RIMS3: variants seen among roughly 807,000 people sequenced by gnomAD.
RIMS3 encodes regulating synaptic membrane exocytosis 3.
A neutral mutation model predicts 29.2 loss-of-function variants in RIMS3; 15 were observed. That is an observed-to-expected ratio of 0.51 (90% CI 0.34 to 0.79). The LOEUF (loss-of-function observed/expected upper bound fraction) is 0.79. RIMS3 is among the 30% of genes least tolerant of loss of function. RIMS3 has a pLI of 0.01. For missense variants in RIMS3, 342 were observed against 421.4 expected, an observed-to-expected ratio of 0.81 and a Z score of 1.65; for synonymous variants, 161 against 170.1, an observed-to-expected ratio of 0.95 and a Z score of 0.41.
At position 40,656,640 on chromosome 1, in the gene RIMS3, G is replaced by A. The variant is rs150623418; in HGVS notation, c.-207+8754C>T. Among the ~76,000 whole-genome samples, 1,277 of 152,170 alleles carry A rather than the reference G, an allele frequency of 8.4e-3. 8 individuals carry two copies. Among genetic ancestry groups the A allele is most frequent in the South Asian group, 0.014 (66 of 4,816 alleles). ...CTCCACTAAATATACAAAATTAGCC[G>A]GGCGTGGTGGTGCATGCCTGTAATC... On this transcript the variant is annotated intron_variant, in intron 1 of 7. Coordinates refer to ENST00000372684, the MANE Select transcript of RIMS3 (RefSeq NM_014747.3).
the RIMS3 span, among the ~76,000 whole-genome samples, chr1:40,676,772 A>G: frequency 6.6e-6 from 1 of 152,196 alleles, no homozygotes; most frequent in Non-Finnish European, 1.5e-5. Flanking sequence ...CTATGTTGAT[A>G]ATAATACTCC....
intron 2 of RIMS3, among the ~76,000 whole-genome samples, chr1:40,643,273 A>G (rs1646571797): frequency 6.6e-6 from 1 of 151,970 alleles, no homozygotes; most frequent in African/African-American, 2.4e-5. Flanking sequence ...CTGGGATTAC[A>G]GGCGCCCGCC....
At position 40,654,161 on chromosome 1, in the gene RIMS3, CCCCCTCCCCG is replaced by C. The variant is rs1217747977; in HGVS notation, c.-206-6329_-206-6320del. Among the ~76,000 whole-genome samples, 3 of 150,332 alleles carry C rather than the reference CCCCCTCCCCG, an allele frequency of 2.0e-5. No homozygotes were observed. The highest frequency in any genetic ancestry group is 4.5e-5 in the Non-Finnish European group (3 of 67,364). ...CTCCTCCCCTCCCCTTCCCGCCCCT[CCCCCTCCCCG>C]CCCCTCCCCCGCGCCGCTGACGAGG... On this transcript the variant is annotated intron_variant, in intron 1 of 7. Coordinates refer to ENST00000372684, the MANE Select transcript of RIMS3 (RefSeq NM_014747.3). The surrounding 1 kb of genome is among the most constrained non-coding windows in gnomAD (Gnocchi z 5.3).
chr1:40,652,023 G>A (rs979345969), intron 1 of RIMS3, among the ~76,000 whole-genome samples: 1 of 152,162 alleles, frequency 6.6e-6, no homozygotes, highest in Non-Finnish European at 1.5e-5. Context: ...GATTTACAGA[G>A]CTTGAGCTCT....
Position 40,623,535 on chromosome 1 carries a change from G to A in RIMS3, c.*2982C>T, listed in dbSNP as rs1646434951. ...ACCAGAGGAGGTGGAATGACAAAGA[G>A]CTCCATTCCTGTAACCACTGCAGGG... On this transcript the variant is annotated 3_prime_UTR_variant, in exon 8 of 8. Coordinates refer to ENST00000372684, the MANE Select transcript of RIMS3 (RefSeq NM_014747.3). The A allele has an allele frequency of 2.5e-6, 1 of 398,568 alleles. No individual in the cohort carries two copies. Among genetic ancestry groups the A allele is most frequent in the Non-Finnish European group, 4.4e-6 (1 of 226,136 alleles). The allele number at this position is 398,568 out of a possible 1,614,324, so 24.7% of individuals were successfully genotyped here.
In RIMS3 at chr1:40,622,412, G is replaced by C. The variant is rs1646426833; in HGVS notation, c.*4105C>G. On this transcript the variant is annotated 3_prime_UTR_variant, in exon 8 of 8. Transcript: ENST00000372684. ...TGAAAAGGTTGAGGGAGAAGGCGGG[G>C]GGATGTGTCCACATTTTCATCTCCT... The C allele has an allele frequency of 6.6e-6, 1 of 152,260 alleles. No individual in the cohort carries two copies. The highest frequency in any genetic ancestry group is 1.5e-5 in the Non-Finnish European group (1 of 68,060). The allele number at this position is 152,260 out of a possible 1,614,324, so 9.4% of individuals were successfully genotyped here.
chr1:40,622,824 C>T lies in RIMS3; in HGVS notation c.*3693G>A, dbSNP rs956241142. On this transcript the variant is annotated 3_prime_UTR_variant, in exon 8 of 8. Coordinates refer to ENST00000372684, the MANE Select transcript of RIMS3 (RefSeq NM_014747.3). ...ATGAGGTATTAGGAGGGCTGGAACC[C>T]CAGGGGAAGAGGAGCTCAGCAACTC... is the stretch of plus-strand genomic sequence containing the variant. 1.3e-5 allele frequency: 2 copies of T among 152,658 alleles called. No homozygotes were observed. Among genetic ancestry groups the T allele is most frequent in the Non-Finnish European group, 2.9e-5 (2 of 68,104 alleles). The allele number at this position is 152,658 out of a possible 1,614,324, so 9.5% of individuals were successfully genotyped here.
the RIMS3 span, among the ~76,000 whole-genome samples, chr1:40,678,891 G>A: frequency 2.6e-5 from 4 of 152,238 alleles, no homozygotes; most frequent in African/African-American, 4.8e-5. Context: ...TTCAAACAGA[G>A]GGAATTGGTG....
chr1:40,684,169 A>G, the RIMS3 span, among the ~76,000 whole-genome samples: 77 of 152,218 alleles, frequency 5.1e-4, 1 homozygote, highest in Admixed American at 4.6e-4. Context: ...CATGTTTTAT[A>G]TGACATGGAT....
intron 1 of RIMS3, among the ~76,000 whole-genome samples, chr1:40,662,416 G>GCTCT (rs10675670): frequency 6.6e-6 from 1 of 151,750 alleles, no homozygotes; most frequent in African/African-American, 2.4e-5. Context: ...AGGTTCCAGA[G>GCTCT]CCCAAGTCCC....
At chr1:40,689,684 T>G in the RIMS3 span, among the ~76,000 whole-genome samples, 1 of 152,312 alleles carries the variant, frequency 6.6e-6, no homozygotes, top group East Asian at 1.9e-4. Context: ...ACAGGCCAGA[T>G]AGCAACGGCT....
the RIMS3 span, among the ~76,000 whole-genome samples, chr1:40,673,613 G>C: frequency 6.6e-6 from 1 of 152,134 alleles, no homozygotes; most frequent in Non-Finnish European, 1.5e-5. Context: ...CCCACATGTG[G>C]CTTCCTCTGT....
At chr1:40,672,248 G>A in the RIMS3 span, among the ~76,000 whole-genome samples, 4 of 146,318 alleles carry the variant, frequency 2.7e-5, no homozygotes, top group African/African-American at 1.0e-4. Context: ...ACCCAGGCCG[G>A]ACTGCAGTGG....
At chr1:40,687,314 A>C in the RIMS3 span, among the ~76,000 whole-genome samples, 4 of 57,900 alleles carry the variant, frequency 6.9e-5, no homozygotes, top group Non-Finnish European at 1.4e-4. Context: ...AAGATGGTTA[A>C]ATTTAGGCCA....
At chr1:40,634,905 C>T (rs1207973181) in intron 4 of RIMS3, among the ~76,000 whole-genome samples, 2 of 149,808 alleles carry the variant, frequency 1.3e-5, no homozygotes, top group African/African-American at 4.9e-5. Flanking sequence ...TGCACCACTG[C>T]ACTCCAGCGT....
the RIMS3 span, chr1:40,691,676 G>C: frequency 2.2e-6 from 1 of 449,500 alleles, no homozygotes; most frequent in South Asian, 1.6e-5. Context: ...AGGCGCCAAG[G>C]GAGGGGGAAG....
At chr1:40,659,729 G>A (rs1017773473) in intron 1 of RIMS3, among the ~76,000 whole-genome samples, 1 of 152,194 alleles carries the variant, frequency 6.6e-6, no homozygotes, top group African/African-American at 2.4e-5. Context: ...AATGACGTTC[G>A]AGCTGGTATC....
At chr1:40,661,660 T>C (rs1236753518) in intron 1 of RIMS3, among the ~76,000 whole-genome samples, 1 of 152,060 alleles carries the variant, frequency 6.6e-6, no homozygotes, top group Admixed American at 6.5e-5. Flanking sequence ...CCAGATAGGG[T>C]TTATGGTTTC....
At chr1:40,632,841 T>C (rs150430207) in intron 5 of RIMS3, among the ~76,000 whole-genome samples, 3 of 152,160 alleles carry the variant, frequency 2.0e-5, no homozygotes, top group Non-Finnish European at 2.9e-5. Context: ...AAGCATCTAA[T>C]AGGAGCTCAG....
Sources: allele counts gnomAD v4.1 joint callset (sites outside exome capture counted in the v4.1 genomes callset), GRCh38; gene constraint gnomAD v4.1.1; non-coding constraint Gnocchi (gnomAD v3.1); transcripts MANE v1.5; gene names NCBI Gene and HGNC (gene_info 2026-07-23, HGNC 2026-07-21).